The following PIGK variants were observed in gnomAD, a reference collection of about 807,000 sequenced individuals.
PIGK encodes the protein phosphatidylinositol glycan anchor biosynthesis class K.
A neutral mutation model predicts 50.6 loss-of-function variants in PIGK; 42 were observed. The ratio of observed to expected loss-of-function variants is 0.83; its 90% CI spans 0.65 to 1.07. The LOEUF is 1.07. PIGK is among the 50% of genes least tolerant of loss of function. The probability of loss-of-function intolerance (pLI) is 0.00; values close to 1 mark genes in which losing one functional copy is unlikely to be tolerated. For missense variants in PIGK, 448 were observed against 488.7 expected (o/e 0.92, Z 0.78); for synonymous variants, 151 against 156.0 (o/e 0.97, Z 0.24).
chr1:77,168,986 G>A (rs915134137), intron 4 of PIGK, among the ~76,000 whole-genome samples: 18 of 151,922 alleles, frequency 1.2e-4, no homozygotes, highest in Non-Finnish European at 2.5e-4. Context: ...TATATTTACT[G>A]TAAAAGAAAG....
chr1:77,209,256 T>C (rs966793793), intron 2 of PIGK, among the ~76,000 whole-genome samples: 1 of 152,122 alleles, frequency 6.6e-6, no homozygotes, highest in African/African-American at 2.4e-5. Context: ...GAAACTATTA[T>C]CCAAATATTT....
chr1:77,141,186 C>T (rs1357231769), intron 9 of PIGK, among the ~76,000 whole-genome samples: 1 of 145,432 alleles, frequency 6.9e-6, no homozygotes, highest in African/African-American at 2.8e-5. Flanking sequence ...CAATATAGTT[C>T]AGGCCAAGCA....
intron 3 of PIGK, among the ~76,000 whole-genome samples, chr1:77,181,814 C>A (rs967698554): frequency 3.9e-5 from 6 of 152,164 alleles, no homozygotes; most frequent in African/African-American, 1.4e-4. Flanking sequence ...AGCTAATCAG[C>A]AGCTTAATGC....
chr1:77,092,216 T>C lies in PIGK; in HGVS notation c.*158A>G. The C allele has an allele frequency of 2.2e-6, 1 of 459,948 alleles. No homozygotes were observed. Among genetic ancestry groups the C allele is most frequent in the East Asian group, 3.9e-5 (1 of 25,602 alleles). 28.5% of individuals were successfully genotyped at this position (459,948 alleles called of 1,614,324 possible). ...CATTAAGCAGTTGCATTAACAATTATTTTTCTTTAAGTTATAAAATTAATA... is the reference window on the plus strand; with the variant it reads ...CATTAAGCAGTTGCATTAACAATTACTTTTCTTTAAGTTATAAAATTAATA... On this transcript the variant is annotated 3_prime_UTR_variant, in exon 11 of 11. Coordinates refer to ENST00000370812, the MANE Select transcript of PIGK (RefSeq NM_005482.3).
At chr1:77,183,027 CCTGA>C (rs1483744672) in intron 3 of PIGK, among the ~76,000 whole-genome samples, 9 of 152,150 alleles carry the variant, frequency 5.9e-5, no homozygotes, top group African/African-American at 1.9e-4. Context: ...CTAAGATTGC[CCTGA>C]CTGAGAGTCT....
intron 3 of PIGK, among the ~76,000 whole-genome samples, chr1:77,179,127 C>A (rs1655554808): frequency 6.6e-6 from 1 of 152,194 alleles, no homozygotes; most frequent in African/African-American, 2.4e-5. Context: ...TTGTTTTCCT[C>A]CTGTTAACAA....
At chr1:77,176,335 T>C (rs1655490013) in intron 3 of PIGK, among the ~76,000 whole-genome samples, 2 of 152,232 alleles carry the variant, frequency 1.3e-5, no homozygotes. Flanking sequence ...TTTGACATGT[T>C]ATTTGGGAAG....
intron 3 of PIGK, among the ~76,000 whole-genome samples, chr1:77,183,372 A>G (rs557452502): frequency 5.9e-5 from 9 of 152,248 alleles, no homozygotes; most frequent in Non-Finnish European, 1.0e-4. Flanking sequence ...GATAAATCCT[A>G]TGCTGCCTGA....
intron 10 of PIGK, among the ~76,000 whole-genome samples, chr1:77,104,024 TA>T (rs11450309): frequency 0.03 from 4,100 of 137,952 alleles, 149 homozygotes; most frequent in African/African-American, 0.094. Context: ...GGGGCTATCT[TA>T]AAAAAAAAAA....
chr1:77,095,685 G>T (rs959979867), intron 10 of PIGK, among the ~76,000 whole-genome samples: 2 of 152,066 alleles, frequency 1.3e-5, no homozygotes, highest in African/African-American at 4.8e-5. Flanking sequence ...AGTAGTACAC[G>T]TTTTAAAAAT....
chr1:77,137,488 G>C (rs569580832), intron 9 of PIGK, among the ~76,000 whole-genome samples: 1 of 152,242 alleles, frequency 6.6e-6, no homozygotes, highest in South Asian at 2.1e-4. Context: ...AAATATGAAA[G>C]TCTATTTGGC....
intron 9 of PIGK, among the ~76,000 whole-genome samples, chr1:77,142,416 C>T (rs1208974737): frequency 6.6e-6 from 1 of 152,082 alleles, no homozygotes; most frequent in Non-Finnish European, 1.5e-5. Flanking sequence ...CTTCAATCTT[C>T]AAAATAACTC....
chr1:77,201,518 G>C (rs1034665542), intron 3 of PIGK, among the ~76,000 whole-genome samples: 1 of 152,230 alleles, frequency 6.6e-6, no homozygotes, highest in African/African-American at 2.4e-5. Flanking sequence ...CCAGTAGTTT[G>C]AGAGGCCAAG....
At chr1:77,109,098 G>A (rs930276692) in intron 10 of PIGK, among the ~76,000 whole-genome samples, 1 of 152,134 alleles carries the variant, frequency 6.6e-6, no homozygotes, top group African/African-American at 2.4e-5. Context: ...AACAGGCTCT[G>A]AAATTGAGGC....
intron 3 of PIGK, among the ~76,000 whole-genome samples, chr1:77,188,168 G>A (rs1033448439): frequency 6.6e-6 from 1 of 152,200 alleles, no homozygotes; most frequent in African/African-American, 2.4e-5. Context: ...GGGAATAAGA[G>A]AGATAACCTT....
intron 9 of PIGK, among the ~76,000 whole-genome samples, chr1:77,128,519 T>C (rs991307205): frequency 2.6e-4 from 39 of 152,184 alleles, no homozygotes; most frequent in Admixed American, 2.2e-3. Flanking sequence ...ACTTCTTGTA[T>C]GGTAAAAATT....
At chr1:77,116,597 CGCGT>C (rs879448681) in intron 10 of PIGK, among the ~76,000 whole-genome samples, 563 of 49,324 alleles carry the variant, frequency 0.011, 4 homozygotes, top group Non-Finnish European at 0.016. Context: ...TGTGTGTGTG[CGCGT>C]GTGTGTGTGT....
In PIGK at chr1:77,161,596, A is replaced by G. The variant is rs779978180; in HGVS notation, c.700T>C (p.Ser234Pro). Reference protein sequence around the residue: ...ASSQVGEDSLSHQPDPAIGVH... With the variant: ...ASSQVGEDSLPHQPDPAIGVH... ...ACAAATGGGGAAAATGCACATACCG[A>G]GAGTGAATCTTCTCCCACTTGACTA... Residue 234 changes from serine to proline, a missense_variant and splice_region_variant, in exon 7 of 11, where the codon TCG (serine) becomes CCG (proline). By Grantham distance (74) the Ser-to-Pro change is moderately conservative (BLOSUM62 -1). Transcript: ENST00000370812. 10 of 1,364,978 alleles carry G rather than the reference A, an allele frequency of 7.3e-6. No homozygotes were observed. Among genetic ancestry groups the G allele is most frequent in the Non-Finnish European group, 1.0e-5 (10 of 952,596 alleles). The allele number at this position is 1,364,978 out of a possible 1,614,324, so 84.6% of individuals were successfully genotyped here.
chr1:77,156,910 G>C (rs992524225), intron 8 of PIGK, among the ~76,000 whole-genome samples: 2 of 152,078 alleles, frequency 1.3e-5, no homozygotes, highest in African/African-American at 4.8e-5. Flanking sequence ...GAAGCTCAAA[G>C]CCTTGAGGAA....
Sources: allele counts gnomAD v4.1 joint callset (sites outside exome capture counted in the v4.1 genomes callset), GRCh38; gene constraint gnomAD v4.1.1; transcripts MANE v1.5; gene names NCBI Gene and HGNC (gene_info 2026-07-23, HGNC 2026-07-21).